Variants in UNC5C observed in about 807,000 individuals in gnomAD.
UNC5C encodes netrin receptor UNC5C.
In UNC5C, 47 loss-of-function variants were observed where a neutral mutation model predicts 99.8. The ratio of observed to expected loss-of-function variants is 0.47; its 90% CI spans 0.37 to 0.60. UNC5C has a LOEUF of 0.60. UNC5C is among the 20% of genes least tolerant of loss of function. UNC5C has a pLI of 0.00. For missense variants in UNC5C, 1,062 were observed against 1,165.9 expected, an observed-to-expected ratio of 0.91 and a Z score of 1.30; for synonymous variants, 487 against 452.2, an observed-to-expected ratio of 1.08 and a Z score of -0.98.
At chr4:95,217,390 A>G (rs1188001949) in intron 9 of UNC5C, among the ~76,000 whole-genome samples, 1 of 152,192 alleles carries the variant, frequency 6.6e-6, no homozygotes, top group African/African-American at 2.4e-5. Flanking sequence ...TGTTGTAGGA[A>G]GTGGACTGTC....
At position 95,464,405 on chromosome 4, in the gene UNC5C, A is replaced by C. The variant is rs79190794; in HGVS notation, c.124+84329T>G. ...ACAAGTATTGAGAACAGCGTCATTA[A>C]GAAGAGTCTGATTAGAGAAGTTTCC... On this transcript the variant is annotated intron_variant, in intron 1 of 15. Coordinates refer to ENST00000453304, the MANE Select transcript of UNC5C (RefSeq NM_003728.4). 2.9e-3 allele frequency among the ~76,000 whole-genome samples: 448 copies of C among 152,324 alleles called. 1 individual carries two copies. The highest frequency in any genetic ancestry group is 0.01 in the African/African-American group (423 of 41,588).
At chr4:95,410,919 C>A (rs1371799481) in intron 1 of UNC5C, among the ~76,000 whole-genome samples, 1 of 152,084 alleles carries the variant, frequency 6.6e-6, no homozygotes. Flanking sequence ...TCCCTCTGGA[C>A]CTTCTAATGG....
intron 1 of UNC5C, among the ~76,000 whole-genome samples, chr4:95,513,011 A>C (rs371844691): frequency 4.7e-4 from 72 of 152,328 alleles, no homozygotes; most frequent in African/African-American, 1.7e-3. Flanking sequence ...CAACAACAAC[A>C]ACAAAAATTT....
At chr4:95,336,888 T>C (rs116055154) in intron 1 of UNC5C, among the ~76,000 whole-genome samples, 1 of 151,966 alleles carries the variant, frequency 6.6e-6, no homozygotes, top group African/African-American at 2.4e-5. Context: ...TTTTCCATTG[T>C]TGAACATCAA....
intron 1 of UNC5C, among the ~76,000 whole-genome samples, chr4:95,406,258 C>G (rs1745826675): frequency 2.0e-5 from 3 of 152,174 alleles, no homozygotes; most frequent in Non-Finnish European, 1.5e-5. Context: ...TCCCATGTCC[C>G]TGCTTTTCAG....
intron 2 of UNC5C, among the ~76,000 whole-genome samples, chr4:95,310,465 A>C: frequency 6.6e-6 from 1 of 152,166 alleles, no homozygotes; most frequent in African/African-American, 2.4e-5. Context: ...AAAATGAGAA[A>C]TATATGAGGT....
intron 1 of UNC5C, among the ~76,000 whole-genome samples, chr4:95,517,991 G>A (rs1438967503): frequency 6.6e-6 from 1 of 152,072 alleles, no homozygotes; most frequent in Non-Finnish European, 1.5e-5. Context: ...TCTGGGAGAC[G>A]TTAGAGACTG....
At chr4:95,331,230 T>TTGGGTGGATTC (rs1382883284) in intron 2 of UNC5C, among the ~76,000 whole-genome samples, 1 of 152,148 alleles carries the variant, frequency 6.6e-6, no homozygotes, top group African/African-American at 2.4e-5. Flanking sequence ...TGATGGGTAC[T>TTGGGTGGATTC]TGGGTTGATT....
At chr4:95,546,271 AAAG>A (rs566006050) in intron 1 of UNC5C, among the ~76,000 whole-genome samples, 1 of 152,216 alleles carries the variant, frequency 6.6e-6, no homozygotes, top group Non-Finnish European at 1.5e-5. Context: ...AGGAAAGGAG[AAAG>A]AAGAAGAATA....
chr4:95,525,678 C>G, intron 1 of UNC5C, among the ~76,000 whole-genome samples: 1 of 143,802 alleles, frequency 7.0e-6, no homozygotes, highest in South Asian at 2.3e-4. Flanking sequence ...AAGTGTCAAG[C>G]AAATAAACTT....
intron 1 of UNC5C, among the ~76,000 whole-genome samples, chr4:95,519,220 T>C (rs947293036): frequency 6.6e-6 from 1 of 152,092 alleles, no homozygotes; most frequent in Non-Finnish European, 1.5e-5. Flanking sequence ...GGAGTAGTAA[T>C]TGACATCTGA....
At chr4:95,272,521 GA>G (rs1376284961) in intron 4 of UNC5C, among the ~76,000 whole-genome samples, 2 of 152,110 alleles carry the variant, frequency 1.3e-5, no homozygotes, top group African/African-American at 2.4e-5. Context: ...GCAGATATCA[GA>G]AAAAAATATG....
intron 1 of UNC5C, among the ~76,000 whole-genome samples, chr4:95,356,781 T>C (rs28449226): frequency 0.59 from 89,841 of 151,990 alleles, 28,240 homozygotes; most frequent in African/African-American, 0.8. Context: ...AACTGGCAGT[T>C]ACAAAACTGT....
At chr4:95,276,334 A>G (rs1249048239) in intron 4 of UNC5C, among the ~76,000 whole-genome samples, 1 of 152,192 alleles carries the variant, frequency 6.6e-6, no homozygotes, top group Non-Finnish European at 1.5e-5. Flanking sequence ...TCAAATGGGT[A>G]TATGATTTTT....
intron 4 of UNC5C, among the ~76,000 whole-genome samples, chr4:95,268,653 A>T (rs567090572): frequency 1.3e-5 from 2 of 152,342 alleles, no homozygotes; most frequent in African/African-American, 4.8e-5. Context: ...CTAATTATTC[A>T]CTGATTGGTA....
At chr4:95,293,295 CTTTTT>C (rs1175837199) in intron 3 of UNC5C, among the ~76,000 whole-genome samples, 974 of 56,786 alleles carry the variant, frequency 0.017, 5 homozygotes, top group African/African-American at 0.066. Context: ...TAATAGTGAG[CTTTTT>C]TTTTTTTTTT....
intron 1 of UNC5C, among the ~76,000 whole-genome samples, chr4:95,487,795 T>A (rs1488885350): frequency 6.6e-6 from 1 of 151,736 alleles, no homozygotes; most frequent in Non-Finnish European, 1.5e-5. Context: ...TATAGGTAAG[T>A]TGGCAAGCAG....
At chr4:95,373,192 A>G (rs1409660999) in intron 1 of UNC5C, among the ~76,000 whole-genome samples, 1 of 152,156 alleles carries the variant, frequency 6.6e-6, no homozygotes, top group African/African-American at 2.4e-5. Flanking sequence ...GTGATCTTTT[A>G]AAAACATAAG....
At position 95,163,173 on chromosome 4, in the gene UNC5C, G is replaced by C. The variant is rs568373593; in HGVS notation, c.*6061C>G. The C allele has an allele frequency of 1.3e-5, 2 of 152,368 alleles. No individual in the cohort carries two copies. Among genetic ancestry groups the C allele is most frequent in the African/African-American group, 4.8e-5 (2 of 41,570 alleles). The allele number at this position is 152,368 out of a possible 1,614,324, so 9.4% of individuals were successfully genotyped here. ...GTGAAGAAGAGAATGCAAATCACTT[G>C]TTCCACTGTTCTGACTGCTGTACTT... On this transcript the variant is annotated 3_prime_UTR_variant, in exon 16 of 16. Transcript: ENST00000453304.
Sources: allele counts gnomAD v4.1 joint callset (sites outside exome capture counted in the v4.1 genomes callset), GRCh38; gene constraint gnomAD v4.1.1; transcripts MANE v1.5; gene names NCBI Gene and HGNC (gene_info 2026-07-23, HGNC 2026-07-21).